The following MAGI1 variants were observed in gnomAD, a reference collection of about 807,000 sequenced individuals.
The protein encoded by MAGI1 is membrane associated guanylate kinase, WW and PDZ domain containing 1.
A neutral mutation model predicts 139.9 loss-of-function variants in MAGI1; 58 were observed. The observed-to-expected ratio is 0.41, with a 90% CI of 0.34 to 0.52. The LOEUF is 0.52. MAGI1 is among the 20% of genes least tolerant of loss of function. MAGI1 has a pLI of 0.12. For synonymous variants in MAGI1, 812 were observed against 737.9 expected (o/e 1.10, Z -1.63); for missense variants, 1,874 against 1,901.6 (o/e 0.99, Z 0.27).
At chr3:65,509,598 G>A (rs908709188) in intron 2 of MAGI1, among the ~76,000 whole-genome samples, 7 of 152,158 alleles carry the variant, frequency 4.6e-5, no homozygotes, top group African/African-American at 7.2e-5. Context: ...TTTTCAGACC[G>A]GCTTAAAAAA....
intron 3 of MAGI1, among the ~76,000 whole-genome samples, chr3:65,480,835 G>C (rs1422339740): frequency 6.6e-6 from 1 of 152,016 alleles, no homozygotes; most frequent in Admixed American, 6.6e-5. Context: ...TGATCCACCT[G>C]CCTCAGCCTC....
At chr3:65,800,895 G>A (rs572003574) in intron 1 of MAGI1, among the ~76,000 whole-genome samples, 34 of 151,974 alleles carry the variant, frequency 2.2e-4, no homozygotes, top group East Asian at 5.8e-4. Context: ...TGTGGTTTTC[G>A]CCATTAAAAG....
chr3:65,987,505 C>A (rs1286870921), intron 1 of MAGI1, among the ~76,000 whole-genome samples: 1 of 152,166 alleles, frequency 6.6e-6, no homozygotes, highest in Non-Finnish European at 1.5e-5. Flanking sequence ...GAGCCACTTA[C>A]CTTGGGTGCA....
chr3:65,528,664 C>G (rs915109748), intron 2 of MAGI1, among the ~76,000 whole-genome samples: 3 of 152,166 alleles, frequency 2.0e-5, no homozygotes, highest in Non-Finnish European at 2.9e-5. Context: ...TAGCAGAGAA[C>G]AAATGCTCAG....
chr3:65,892,540 A>G (rs1020225017), intron 1 of MAGI1, among the ~76,000 whole-genome samples: 3 of 152,200 alleles, frequency 2.0e-5, no homozygotes, highest in African/African-American at 7.2e-5. Flanking sequence ...AAATCTAAAG[A>G]ACGTATATAA....
intron 1 of MAGI1, among the ~76,000 whole-genome samples, chr3:65,631,356 T>C (rs2084292447): frequency 6.6e-6 from 1 of 152,214 alleles, no homozygotes; most frequent in South Asian, 2.1e-4. Flanking sequence ...TGGATTTATA[T>C]CTATGTTTTC....
At position 65,653,522 on chromosome 3, in the gene MAGI1, A is replaced by T. The variant is rs888482936; in HGVS notation, c.314-31434T>A. On this transcript the variant is annotated intron_variant, in intron 1 of 22. Coordinates refer to ENST00000402939, the MANE Select transcript of MAGI1 (RefSeq NM_001033057.2). ...GATGTGGGGCACAGAACACAATGTC[A>T]TGTGCAATGAAATCACACTTATGCA... is the stretch of plus-strand genomic sequence containing the variant. 2.6e-5 allele frequency among the ~76,000 whole-genome samples: 4 copies of T among 152,180 alleles called. No homozygotes were observed. In the South Asian group the frequency reaches 6.2e-4, roughly 24 times the overall value.
chr3:65,926,086 CACACA>C (rs1162400005), intron 1 of MAGI1, among the ~76,000 whole-genome samples: 1 of 152,142 alleles, frequency 6.6e-6, no homozygotes, highest in African/African-American at 2.4e-5. Flanking sequence ...TACTCAAGAT[CACACA>C]ACTAGTAAAA....
At chr3:65,980,158 A>T (rs2065492940) in intron 1 of MAGI1, among the ~76,000 whole-genome samples, 1 of 152,224 alleles carries the variant, frequency 6.6e-6, no homozygotes, top group Non-Finnish European at 1.5e-5. Context: ...AGGTGTTTTA[A>T]ATTCTGGGTC....
chr3:66,028,216 C>T (rs1233631927), intron 1 of MAGI1, among the ~76,000 whole-genome samples: 3 of 152,110 alleles, frequency 2.0e-5, no homozygotes, highest in Non-Finnish European at 4.4e-5. Flanking sequence ...GTAGGAGGAT[C>T]GCTTGAGCCC....
chr3:65,411,879 C>T (rs1351970277), intron 12 of MAGI1, among the ~76,000 whole-genome samples: 2 of 152,120 alleles, frequency 1.3e-5, no homozygotes, highest in African/African-American at 4.8e-5. Context: ...CGTCTCCAAA[C>T]GCATTCTGAA....
At chr3:65,666,705 T>G (rs2086551459) in intron 1 of MAGI1, among the ~76,000 whole-genome samples, 1 of 152,134 alleles carries the variant, frequency 6.6e-6, no homozygotes, top group African/African-American at 2.4e-5. Context: ...ATCCTGCTGG[T>G]GGAGGCCATA....
At position 65,821,468 on chromosome 3, in the gene MAGI1, AACT is replaced by A. The variant is rs1313944157; in HGVS notation, c.314-199383_314-199381del. Among the ~76,000 whole-genome samples the A allele has an allele frequency of 6.6e-5, 10 of 152,172 alleles. No homozygotes were observed. The East Asian group carries it at 1.9e-3, about 29-fold the overall frequency. ...AGTCAACAGTGTCTCCTGGATGAGA[AACT>A]GAATACATTAAAATACAGCCATAAC... On this transcript the variant is annotated intron_variant, in intron 1 of 22. Coordinates refer to ENST00000402939, the MANE Select transcript of MAGI1 (RefSeq NM_001033057.2).
chr3:65,727,463 C>G (rs182278369), intron 1 of MAGI1, among the ~76,000 whole-genome samples: 6 of 152,212 alleles, frequency 3.9e-5, no homozygotes, highest in South Asian at 4.1e-4. Context: ...CTTCTGTGTT[C>G]GAGCAATCCT....
intron 1 of MAGI1, among the ~76,000 whole-genome samples, chr3:65,897,637 G>C (rs896770471): frequency 6.6e-6 from 1 of 151,478 alleles, no homozygotes; most frequent in Middle Eastern, 3.2e-3. Context: ...ATGTACCCTA[G>C]GACTTAAAGT....
intron 1 of MAGI1, among the ~76,000 whole-genome samples, chr3:65,684,411 C>T (rs1053086950): frequency 2.2e-4 from 34 of 152,194 alleles, no homozygotes; most frequent in Non-Finnish European, 2.4e-4. Context: ...TCATGAAATA[C>T]TACTCAGCAA....
In MAGI1 at chr3:65,393,584, G is replaced by A. The variant is rs576311974; in HGVS notation, c.2200-2226C>T. 4.6e-5 allele frequency among the ~76,000 whole-genome samples: 7 copies of A among 152,098 alleles called. No homozygotes were observed. The East Asian group carries it at 1.4e-3, about 29-fold the overall frequency. On this transcript the variant is annotated intron_variant, in intron 13 of 22. Coordinates refer to ENST00000402939, the MANE Select transcript of MAGI1 (RefSeq NM_001033057.2). Reference sequence around the variant, plus strand: ...TTTTACTTTTGTTCACCTCTGAAGGGGAAAGATATTTTAAATGTAAAAGCA... The same window carrying A: ...TTTTACTTTTGTTCACCTCTGAAGGAGAAAGATATTTTAAATGTAAAAGCA...
At position 65,424,291 on chromosome 3, in the gene MAGI1, T is replaced by C. The variant is rs568099752; in HGVS notation, c.2167+5229A>G. 2.0e-5 allele frequency among the ~76,000 whole-genome samples: 3 copies of C among 152,308 alleles called. No homozygotes were observed. In the South Asian group the frequency reaches 6.2e-4, roughly 32 times the overall value. On this transcript the variant is annotated intron_variant, in intron 12 of 22. Transcript: ENST00000402939. ...TTTCTAGAGTTACAAAGTGTGCTTATAAAGCTAGAGGATTAATCTTCCATT... is the reference window on the plus strand; with the variant it reads ...TTTCTAGAGTTACAAAGTGTGCTTACAAAGCTAGAGGATTAATCTTCCATT...
chr3:65,532,850 C>A (rs561102328), intron 2 of MAGI1: 2 of 152,364 alleles, frequency 1.3e-5, no homozygotes, highest in African/African-American at 4.8e-5. Flanking sequence ...CCCCATGGAT[C>A]CATGTGTGGC....
Sources: allele counts gnomAD v4.1 joint callset (sites outside exome capture counted in the v4.1 genomes callset), GRCh38; gene constraint gnomAD v4.1.1; transcripts MANE v1.5; gene names NCBI Gene and HGNC (gene_info 2026-07-23, HGNC 2026-07-21).